PFKFB2: variants seen among roughly 807,000 people sequenced by gnomAD.
PFKFB2 encodes the protein 6-phosphofructo-2-kinase/fructose-2,6-biphosphatase 2, also known as 6-phosphofructo-2-kinase/fructose-2,6-bisphosphatase 2.
In PFKFB2, 53 loss-of-function variants were observed where a neutral mutation model predicts 68.0. The observed-to-expected ratio is 0.78, with a 90% CI of 0.63 to 0.98. The LOEUF (loss-of-function observed/expected upper bound fraction) is 0.98, where lower values mean the gene tolerates loss of function less well. Among genes scored for constraint, PFKFB2 ranks in the 50% least tolerant of loss-of-function variants. PFKFB2 has a pLI of 0.00. For missense variants in PFKFB2, 451 were observed against 642.0 expected (o/e 0.70, Z 3.22); for synonymous variants, 222 against 227.6 (o/e 0.98, Z 0.22).
intron 1 of PFKFB2, among the ~76,000 whole-genome samples, chr1:207,038,981 A>G (rs1321817649): frequency 1.3e-5 from 2 of 152,222 alleles, no homozygotes; most frequent in South Asian, 2.1e-4. Context: ...TAAAAGCTCA[A>G]TGAGGATTTG....
Position 207,063,175 on chromosome 1 carries a change from A to T in PFKFB2, c.341A>T (p.Lys114Met). 1 of 1,614,096 alleles carries T rather than the reference A, an allele frequency of 6.2e-7. No homozygotes were observed. The highest frequency in any genetic ancestry group is 8.5e-7 in the Non-Finnish European group (1 of 1,179,950). The change falls in exon 5 of 15, where the codon AAG (lysine) becomes ATG (methionine). Residue 114 changes from lysine to methionine, a missense_variant. Transcript: ENST00000367080. The surrounding 1 kb of genome is among the most constrained non-coding windows in gnomAD (Gnocchi z 4.1). ...QCALVALEDV[K>M]AYLTEENGQI... is the part of the protein sequence containing the mutation. ...GCTCTGGTGGCGCTGGAAGATGTTA[A>T]GGCGTATCTCACTGAGGAGAATGGT...
At position 207,071,589 on chromosome 1, in the gene PFKFB2, C is replaced by T. The variant is rs753111625; in HGVS notation, c.1350+16C>T. The T allele has an allele frequency of 3.8e-5, 60 of 1,597,060 alleles. No homozygotes were observed. Among genetic ancestry groups the T allele is most frequent in the Non-Finnish European group, 4.7e-5 (55 of 1,164,638 alleles). The stretch of plus-strand genomic sequence containing the variant: ...CAAGCCAACTGTAAGTATTTTCCCA[C>T]GATGAACACACCAGTTTCCCTGCCA... On this transcript the variant is annotated intron_variant, in intron 14 of 14. Coordinates refer to ENST00000367080, the MANE Select transcript of PFKFB2 (RefSeq NM_006212.2).
chr1:207,071,577 A>G lies in PFKFB2; in HGVS notation c.1350+4A>G. ...CACGCACCGTGACAAGCCAACTGTAAGTATTTTCCCACGATGAACACACCA... is the reference window on the plus strand; with the variant it reads ...CACGCACCGTGACAAGCCAACTGTAGGTATTTTCCCACGATGAACACACCA... On this transcript the variant is annotated splice_donor_region_variant and intron_variant, in intron 14 of 14. Transcript: ENST00000367080. 1.2e-6 allele frequency: 2 copies of G among 1,611,356 alleles called. No homozygotes were observed. The highest frequency in any genetic ancestry group is 2.2e-5 in the South Asian group (2 of 91,024).
chr1:207,070,248 C>T lies in PFKFB2; in HGVS notation c.1093-32C>T, dbSNP rs773770735. 7 of 1,611,098 alleles carry T rather than the reference C, an allele frequency of 4.3e-6. No homozygotes were observed. The South Asian group carries it at 7.7e-5, about 18-fold the overall frequency. On this transcript the variant is annotated intron_variant, in intron 11 of 14. Transcript: ENST00000367080. The surrounding 1 kb of genome is among the most constrained non-coding windows in gnomAD (Gnocchi z 4.2). The stretch of plus-strand genomic sequence containing the variant: ...ACTTGGCTGCCAGCTTGCACCTGGG[C>T]TCCTGCCAGCCTGCCCCATTTCCCT...
rs1413638777 is a variant in PFKFB2 at position 207,068,284 on chromosome 1, G to T, written c.962G>T (p.Trp321Leu). ...AESLGVPYEQ[W>L]KILNEIDAGV... ...TCTCTCGGGGTGCCCTATGAGCAGT[G>T]GAAGATTCTGAATGAGATTGATGCT... is the stretch of plus-strand genomic sequence containing the variant. Residue 321 changes from tryptophan (W) to leucine (L), a missense_variant, in exon 10 of 15, where the codon TGG becomes TTG. Physicochemically the swap from Trp to Leu is moderately conservative, Grantham distance 61. Transcript: ENST00000367080. 1.9e-6 allele frequency: 3 copies of T among 1,596,002 alleles called. No homozygotes were observed. The highest frequency in any genetic ancestry group is 8.5e-7 in the Non-Finnish European group (1 of 1,171,952).
At chr1:207,035,558 C>T (rs935443563) in intron 1 of PFKFB2, among the ~76,000 whole-genome samples, 3 of 151,774 alleles carry the variant, frequency 2.0e-5, no homozygotes, top group Admixed American at 6.6e-5. Flanking sequence ...TGGGGTGAGG[C>T]GAAAGGATGG....
intron 2 of PFKFB2, among the ~76,000 whole-genome samples, chr1:207,055,448 G>T (rs1682890272): frequency 6.6e-6 from 1 of 152,122 alleles, no homozygotes; most frequent in African/African-American, 2.4e-5. Flanking sequence ...GGTTTGCGAG[G>T]AGATGAAGCA....
At chr1:207,036,262 C>T (rs1353263215) in intron 1 of PFKFB2, among the ~76,000 whole-genome samples, 2 of 152,208 alleles carry the variant, frequency 1.3e-5, no homozygotes, top group African/African-American at 4.8e-5. Flanking sequence ...CCACTTGTCT[C>T]CTACCTGCTG....
chr1:207,078,785 T>C (rs1683694370), downstream of PFKFB2, among the ~76,000 whole-genome samples: 1 of 152,100 alleles, frequency 6.6e-6, no homozygotes, highest in Admixed American at 6.6e-5. Context: ...GCCATTCGGG[T>C]AGTCAAGGTG....
intron 2 of PFKFB2, chr1:207,060,817 T>C (rs1294131399): frequency 6.6e-6 from 1 of 151,604 alleles, no homozygotes; most frequent in Non-Finnish European, 1.5e-5. Context: ...CTTTCTTTTT[T>C]TGAGACGAAG....
intron 10 of PFKFB2, among the ~76,000 whole-genome samples, chr1:207,068,839 C>T (rs541616239): frequency 6.6e-6 from 1 of 151,976 alleles, no homozygotes; most frequent in African/African-American, 2.4e-5. Flanking sequence ...CCTCTGCCTC[C>T]TGGGTTCAAG....
At chr1:207,059,523 C>T (rs775544530) in intron 2 of PFKFB2, among the ~76,000 whole-genome samples, 1 of 152,166 alleles carries the variant, frequency 6.6e-6, no homozygotes, top group Non-Finnish European at 1.5e-5. Context: ...CTTCAGGGTA[C>T]AGTTTGCTTG....
Position 207,063,340 on chromosome 1 carries a change from T to G in PFKFB2, c.376-7T>G. On this transcript the variant is annotated splice_polypyrimidine_tract_variant and splice_region_variant and intron_variant, in intron 5 of 14. Coordinates refer to ENST00000367080, the MANE Select transcript of PFKFB2 (RefSeq NM_006212.2). The surrounding 1 kb of genome is among the most constrained non-coding windows in gnomAD (Gnocchi z 4.1). ...CTGCTCATTTACCTTGTGTACTTTC[T>G]TCACAGGTGTTTGATGCCACCAATA... 1.2e-6 allele frequency: 2 copies of G among 1,611,392 alleles called. No individual in the cohort carries two copies. Among genetic ancestry groups the G allele is most frequent in the East Asian group, 4.5e-5 (2 of 44,870 alleles).
downstream of PFKFB2, chr1:207,079,289 C>A (rs1344991512): frequency 5.6e-6 from 3 of 540,092 alleles, no homozygotes; most frequent in Non-Finnish European, 1.0e-5. Context: ...TGAGTTTGGT[C>A]CAAGTTGGTC....
rs947348259 is a variant in PFKFB2, at chr1:207,062,205, G to T, written c.211+127G>T. 6.2e-6 allele frequency: 8 copies of T among 1,282,698 alleles called. No homozygotes were observed. The African/African-American group carries it at 8.9e-5, about 14-fold the overall frequency. The allele number at this position is 1,282,698 out of a possible 1,614,324, so 79.5% of individuals were successfully genotyped here. ...TTGGCAGAAATAGCAGTTGCTTTCT[G>T]GTTTACTGGAGTTATTCTCTATTCC... On this transcript the variant is annotated intron_variant, in intron 3 of 14. Transcript: ENST00000367080.
At chr1:207,058,427 T>C (rs370655348) in intron 2 of PFKFB2, among the ~76,000 whole-genome samples, 3 of 152,200 alleles carry the variant, frequency 2.0e-5, no homozygotes. Context: ...AGTGCTGACA[T>C]GAGGCACAGG....
chr1:207,046,082 G>T (rs1443852700), intron 2 of PFKFB2: 1 of 152,014 alleles, frequency 6.6e-6, no homozygotes. Context: ...AATCTTCATA[G>T]TACTACACCT....
intron 2 of PFKFB2, among the ~76,000 whole-genome samples, chr1:207,056,017 T>C (rs984219421): frequency 1.3e-5 from 2 of 152,182 alleles, no homozygotes; most frequent in African/African-American, 4.8e-5. Flanking sequence ...TGCCTGAGTT[T>C]GAATCCCGGG....
intron 1 of PFKFB2, among the ~76,000 whole-genome samples, chr1:207,040,923 A>ATTTTTTTTT (rs397862660): frequency 6.8e-5 from 8 of 117,356 alleles, no homozygotes; most frequent in African/African-American, 2.0e-4. Context: ...TTTAAAACAG[A>ATTTTTTTTT]TTTTTTTTTT....
Sources: gnomAD v4.1 joint callset for allele counts (sites outside exome capture counted in the v4.1 genomes callset) on GRCh38, gnomAD v4.1.1 for gene constraint, Gnocchi (gnomAD v3.1) non-coding constraint, MANE v1.5 for transcripts, NCBI Gene and HGNC (gene_info 2026-07-23, HGNC 2026-07-21) for gene names.